NR1H4: variants seen among roughly 807,000 people sequenced by gnomAD.
The protein encoded by NR1H4 is bile acid receptor.
A neutral mutation model predicts 58.5 loss-of-function variants in NR1H4; 23 were observed. The ratio of observed to expected loss-of-function variants is 0.39; its 90% CI spans 0.28 to 0.56. NR1H4 has a LOEUF of 0.56. Ranked by LOEUF, NR1H4 falls within the 20% of genes least tolerant of loss-of-function variation. NR1H4 has a pLI of 0.58. For synonymous variants in NR1H4, 214 were observed against 198.0 expected, an observed-to-expected ratio of 1.08 and a Z score of -0.68; for missense variants, 487 against 576.9, an observed-to-expected ratio of 0.84 and a Z score of 1.60.
chr12:100,489,110 T>G (rs1311735063), intron 1 of NR1H4, among the ~76,000 whole-genome samples: 1 of 152,162 alleles, frequency 6.6e-6, no homozygotes, highest in Non-Finnish European at 1.5e-5. Flanking sequence ...AGACAAATAA[T>G]GTATATGGAA....
At chr12:100,562,684 G>GT (rs994604121) in intron 10 of NR1H4, among the ~76,000 whole-genome samples, 16 of 151,710 alleles carry the variant, frequency 1.1e-4, no homozygotes, top group South Asian at 6.3e-4. Flanking sequence ...TTCTTCAACA[G>GT]TTTTTTTTGG....
At chr12:100,529,154 T>G (rs967529378) in intron 4 of NR1H4, among the ~76,000 whole-genome samples, 1 of 152,234 alleles carries the variant, frequency 6.6e-6, no homozygotes, top group African/African-American at 2.4e-5. Flanking sequence ...CTACTGAAAT[T>G]TACACCAGCT....
chr12:100,501,035 T>G (rs10860600), intron 3 of NR1H4, among the ~76,000 whole-genome samples: 24,067 of 151,810 alleles, frequency 0.16, 4,011 homozygotes, highest in East Asian at 0.45. Flanking sequence ...TAAGAGAAAT[T>G]CAAAGGGATC....
At chr12:100,497,636 G>A (rs1261162695) in intron 3 of NR1H4, among the ~76,000 whole-genome samples, 4 of 152,060 alleles carry the variant, frequency 2.6e-5, no homozygotes, top group South Asian at 2.1e-4. Context: ...ACAGAGATTC[G>A]TCTCCTTTCC....
intron 9 of NR1H4, among the ~76,000 whole-genome samples, chr12:100,542,996 GA>G (rs1206400967): frequency 1.3e-5 from 2 of 152,102 alleles, no homozygotes; most frequent in Non-Finnish European, 2.9e-5. Context: ...AACTGTCCAT[GA>G]TTATGATAAA....
At chr12:100,483,295 A>G (rs1480748870) in intron 1 of NR1H4, among the ~76,000 whole-genome samples, 1 of 152,212 alleles carries the variant, frequency 6.6e-6, no homozygotes, top group Non-Finnish European at 1.5e-5. Context: ...GAGGTTGATT[A>G]GTTTGAATAT....
intron 4 of NR1H4, among the ~76,000 whole-genome samples, chr12:100,515,768 G>A (rs577992247): frequency 1.3e-5 from 2 of 152,110 alleles, no homozygotes; most frequent in Non-Finnish European, 2.9e-5. Flanking sequence ...AGTGTTTTCT[G>A]CTTATATTGA....
At chr12:100,560,983 G>GA (rs1400168126) in intron 9 of NR1H4, among the ~76,000 whole-genome samples, 1 of 152,094 alleles carries the variant, frequency 6.6e-6, no homozygotes, top group Non-Finnish European at 1.5e-5. Flanking sequence ...AAACGTGGGG[G>GA]AGCTTAGTTC....
intron 3 of NR1H4, among the ~76,000 whole-genome samples, chr12:100,498,474 A>C (rs1229347787): frequency 6.6e-6 from 1 of 152,076 alleles, no homozygotes; most frequent in Non-Finnish European, 1.5e-5. Context: ...CCTCGTCTCT[A>C]CTAAATATAC....
At chr12:100,555,640 G>A (rs528782324) in intron 9 of NR1H4, among the ~76,000 whole-genome samples, 3 of 152,208 alleles carry the variant, frequency 2.0e-5, no homozygotes, top group Non-Finnish European at 2.9e-5. Context: ...TATGAACCTG[G>A]AATTGTGCTA....
intron 1 of NR1H4, among the ~76,000 whole-genome samples, chr12:100,481,891 G>T (rs955916399): frequency 2.0e-5 from 3 of 151,904 alleles, no homozygotes; most frequent in Admixed American, 1.3e-4. Context: ...TCCAGCCTGG[G>T]TGACAGAGCG....
intron 3 of NR1H4, chr12:100,505,485 C>T: frequency 1.5e-6 from 1 of 648,858 alleles, no homozygotes; most frequent in Non-Finnish European, 2.8e-6. Flanking sequence ...CCTTCTATCA[C>T]CTCAGAAAGC....
chr12:100,518,095 GGATAGCTTA>G (rs747268894), intron 4 of NR1H4, among the ~76,000 whole-genome samples: 26 of 152,214 alleles, frequency 1.7e-4, no homozygotes, highest in Non-Finnish European at 3.4e-4. Context: ...CACTAACCTT[GGATAGCTTA>G]CCTCCTTAGA....
intron 1 of NR1H4, among the ~76,000 whole-genome samples, chr12:100,474,615 T>C (rs188136890): frequency 4.8e-4 from 73 of 152,308 alleles, no homozygotes; most frequent in African/African-American, 1.7e-3. Flanking sequence ...ACAGGAAATA[T>C]CAGATGGAAA....
At chr12:100,489,347 A>T (rs1953559375) in intron 1 of NR1H4, among the ~76,000 whole-genome samples, 1 of 152,154 alleles carries the variant, frequency 6.6e-6, no homozygotes, top group South Asian at 2.1e-4. Flanking sequence ...GCTAGATAGT[A>T]AATATTTTTG....
intron 5 of NR1H4, among the ~76,000 whole-genome samples, chr12:100,534,353 T>TA (rs1180997346): frequency 6.6e-6 from 1 of 152,250 alleles, no homozygotes; most frequent in Non-Finnish European, 1.5e-5. Flanking sequence ...TAAAGGATGT[T>TA]AACATTTGTT....
intron 4 of NR1H4, among the ~76,000 whole-genome samples, chr12:100,514,306 T>C (rs1954208080): frequency 6.6e-6 from 1 of 152,210 alleles, no homozygotes; most frequent in East Asian, 1.9e-4. Context: ...TAGTACCATA[T>C]TTATAATATT....
chr12:100,557,502 T>G (rs1478467717), intron 9 of NR1H4, among the ~76,000 whole-genome samples: 1 of 152,212 alleles, frequency 6.6e-6, no homozygotes, highest in Non-Finnish European at 1.5e-5. Context: ...CATGGATATA[T>G]TGTGTAATGA....
In NR1H4 at chr12:100,536,992, G is replaced by A. The variant is rs1193074710; in HGVS notation, c.876G>A (p.Thr292=). The A allele has an allele frequency of 8.1e-6, 13 of 1,602,072 alleles. No individual in the cohort carries two copies. Among genetic ancestry groups the A allele is most frequent in the African/African-American group, 2.7e-5 (2 of 74,452 alleles). ...FSAEENFLIL[T]EMATNHVQVL... is the part of the protein sequence containing the mutation. ...CAGAAGAAAATTTTCTCATTTTGAC[G>A]GAAATGGCAACCAATCATGTACAGG... Residue 292 remains threonine, a synonymous_variant, in exon 8 of 11, where the codon ACG becomes ACA. Transcript: ENST00000392986.
Sources: allele counts gnomAD v4.1 joint callset (sites outside exome capture counted in the v4.1 genomes callset), GRCh38; gene constraint gnomAD v4.1.1; transcripts MANE v1.5; gene names NCBI Gene and HGNC (gene_info 2026-07-23, HGNC 2026-07-21).